CPZ: variants seen among roughly 807,000 people sequenced by gnomAD.
CPZ encodes the protein carboxypeptidase Z, also known as VEZT/CPZ fusion.
Under a neutral mutation model 61.8 loss-of-function variants are expected in CPZ, and 103 were observed. That is an observed-to-expected ratio of 1.67 (90% CI 1.42 to 1.96). The LOEUF (loss-of-function observed/expected upper bound fraction) is 1.96. Among genes scored for constraint, CPZ ranks in the 30% most tolerant of loss-of-function variants. The probability of loss-of-function intolerance (pLI) is 0.00; values close to 1 mark genes in which losing one functional copy is unlikely to be tolerated. For missense variants in CPZ, 1,461 were observed against 914.9 expected, an observed-to-expected ratio of 1.60 and a Z score of -7.70; for synonymous variants, 551 against 373.7, an observed-to-expected ratio of 1.47 and a Z score of -5.47.
chr4:8,603,877 C>T lies in CPZ; in HGVS notation c.497-99C>T. On this transcript the variant is annotated intron_variant, in intron 3 of 10. Coordinates refer to ENST00000360986, the MANE Select transcript of CPZ (RefSeq NM_001014447.3). ...GAGATGTCCAAGCATGGCTGTCGTG[C>T]AGAGGGGACTAAGGGTGCTGTGTGT... 4 of 998,416 alleles carry T rather than the reference C, an allele frequency of 4.0e-6. No homozygotes were observed. In the South Asian group the frequency reaches 5.4e-5, roughly 13 times the overall value. 61.8% of individuals were successfully genotyped at this position (998,416 alleles called of 1,614,324 possible). A position where few individuals can be genotyped will look rare whatever the true frequency, so the allele number is the denominator to read the frequency against.
At chr4:8,615,884 C>A (rs1716120929) in intron 9 of CPZ, among the ~76,000 whole-genome samples, 1 of 152,246 alleles carries the variant, frequency 6.6e-6, no homozygotes, top group African/African-American at 2.4e-5. Flanking sequence ...AAGCCCCACA[C>A]AAAGTAAAAT....
chr4:8,596,926 C>T lies in CPZ; in HGVS notation c.89-2527C>T, dbSNP rs377427951. On this transcript the variant is annotated intron_variant, in intron 1 of 10. Transcript: ENST00000360986. ...GTCAAAGTTAGTTCTTCCAGTCGCT[C>T]ATGTCTGCTGAGTGAATAAACAAAG... Among the ~76,000 whole-genome samples the T allele has an allele frequency of 1.1e-4, 16 of 152,308 alleles. No individual in the cohort carries two copies. The East Asian group carries it at 1.4e-3, about 13-fold the overall frequency.
chr4:8,604,050 G>C lies in CPZ; in HGVS notation c.571G>C (p.Ala191Pro). The change falls in exon 4 of 11, where the codon GCC (alanine) becomes CCC (proline). Residue 191 changes from alanine (A) to proline (P), a missense_variant. By Grantham distance (27) the Ala-to-Pro change is conservative (BLOSUM62 -1). Transcript: ENST00000360986. ...CATCCGCTTCAGCCACCACTCCTAC[G>C]CCCAGATGGTGCGTGTGCTGAGGCG... ...TFIRFSHHSY[A>P]QMVRVLRRTA... The C allele has an allele frequency of 1.2e-6, 2 of 1,612,016 alleles. No homozygotes were observed. Among genetic ancestry groups the C allele is most frequent in the Non-Finnish European group, 1.7e-6 (2 of 1,179,818 alleles).
chr4:8,599,502 TC>T lies in CPZ; in HGVS notation c.121+20del, dbSNP rs768079752. Reference sequence around the variant, plus strand: ...CAGACAGCGGTACAGTACCGGGACCTCCCTGGCTTCTGTTCTGTAGGAGGGC... The same window carrying T: ...CAGACAGCGGTACAGTACCGGGACCTCCTGGCTTCTGTTCTGTAGGAGGGC... On this transcript the variant is annotated intron_variant, in intron 2 of 10. Coordinates refer to ENST00000360986, the MANE Select transcript of CPZ (RefSeq NM_001014447.3). The T allele has an allele frequency of 1.2e-6, 2 of 1,613,400 alleles. No individual in the cohort carries two copies. Among genetic ancestry groups the T allele is most frequent in the African/African-American group, 2.7e-5 (2 of 74,912 alleles).
At chr4:8,593,394 CT>C (rs1183602909) in intron 1 of CPZ, among the ~76,000 whole-genome samples, 13 of 152,174 alleles carry the variant, frequency 8.5e-5, no homozygotes, top group Non-Finnish European at 1.5e-5. Context: ...GGAAGTGGCC[CT>C]AAGGGCTGGG....
intron 7 of CPZ, among the ~76,000 whole-genome samples, chr4:8,610,433 G>A (rs1011132016): frequency 1.3e-5 from 2 of 152,150 alleles, no homozygotes; most frequent in Non-Finnish European, 2.9e-5. Context: ...CCCAGGGCAA[G>A]GGCAGGGAGG....
At chr4:8,609,040 TTCACTCCCTCCCTCCC>T (rs1715300598) in intron 7 of CPZ, among the ~76,000 whole-genome samples, 3 of 132,962 alleles carry the variant, frequency 2.3e-5, no homozygotes, top group Non-Finnish European at 4.9e-5. Context: ...CACTCACCCA[TTCACTCCCTCCCTCCC>T]TCACTCCCTC....
intron 5 of CPZ, 71 bp downstream of exon 5, chr4:8,606,256 AGTT>A: frequency 7.0e-7 from 1 of 1,428,808 alleles, no homozygotes; most frequent in South Asian, 1.3e-5. Flanking sequence ...ATTTATGAGT[AGTT>A]TATCCCAGCA....
rs1259837506 is a variant in CPZ at position 8,605,628 on chromosome 4, TTG to T, written c.710-360_710-359del. Among the ~76,000 whole-genome samples the T allele has an allele frequency of 1.0e-4, 12 of 119,310 alleles. No homozygotes were observed. In the South Asian group the frequency reaches 1.3e-3, roughly 12 times the overall value. The allele number at this position is 119,310 out of a possible 152,430, so 78.3% of individuals were successfully genotyped here. A position where few individuals can be genotyped will look rare whatever the true frequency, so the allele number is the denominator to read the frequency against. On this transcript the variant is annotated intron_variant, in intron 4 of 10. Transcript: ENST00000360986. ...CATCCATCCATCCATCCATCCATCA[TTG>T]ATATATCCATTCATCCACTCAAGGG...
chr4:8,612,069 A>C lies in CPZ; in HGVS notation c.1270A>C (p.Met424Leu). The change falls in exon 8 of 11, where the codon ATG (methionine) becomes CTG (leucine). Residue 424 changes from methionine to leucine, a missense_variant. Physicochemically the swap from Met to Leu is conservative, Grantham distance 15. Coordinates refer to ENST00000360986, the MANE Select transcript of CPZ (RefSeq NM_001014447.3). ...CAGAGCCTACGCTGACGTCCACCCC[A>C]TGATGATGGACAGGTCGGAGAATAG... ...LSRAYADVHP[M>L]MMDRSENRCG... 1 of 1,613,070 alleles carries C rather than the reference A, an allele frequency of 6.2e-7. No individual in the cohort carries two copies. Among genetic ancestry groups the C allele is most frequent in the Non-Finnish European group, 8.5e-7 (1 of 1,179,434 alleles).
chr4:8,610,612 C>G (rs1577122258), intron 7 of CPZ, among the ~76,000 whole-genome samples: 1 of 152,222 alleles, frequency 6.6e-6, no homozygotes, highest in South Asian at 2.1e-4. Context: ...TAGAATGTAG[C>G]AGATGTGGCC....
At chr4:8,618,248 C>T in intron 9 of CPZ, 181 bp from the exon 10 acceptor site, 1 of 607,922 alleles carries the variant, frequency 1.6e-6, no homozygotes, top group Non-Finnish European at 2.9e-6. Context: ...AAACTGAGGC[C>T]CAGAGAGGGG....
Position 8,610,905 on chromosome 4 carries a change from C to T in CPZ, c.1228-1122C>T, listed in dbSNP as rs140726120. On this transcript the variant is annotated intron_variant, in intron 7 of 10. Transcript: ENST00000360986. ...CATTCCTCACCAACCCCAAACCTCACGTCTGGGAGTCCGAGTCTCATGACC... is the reference window on the plus strand; with the variant it reads ...CATTCCTCACCAACCCCAAACCTCATGTCTGGGAGTCCGAGTCTCATGACC... Among the ~76,000 whole-genome samples the T allele has an allele frequency of 7.7e-4, 117 of 152,348 alleles. No individual in the cohort carries two copies. In the East Asian group the frequency reaches 0.014, roughly 18 times the overall value.
At chr4:8,613,013 G>A (rs557947638) in intron 8 of CPZ, among the ~76,000 whole-genome samples, 27 of 152,204 alleles carry the variant, frequency 1.8e-4, no homozygotes, top group Non-Finnish European at 3.1e-4. Flanking sequence ...TCCCTGGTGC[G>A]GCGCAGCCTC....
chr4:8,619,208 C>A, intron 10 of CPZ, 54 bp from the exon 11 acceptor site: 1 of 1,460,898 alleles, frequency 6.8e-7, no homozygotes, highest in South Asian at 1.3e-5. Context: ...CCCATCACCC[C>A]GTGGCTGGGT....
intron 7 of CPZ, among the ~76,000 whole-genome samples, chr4:8,609,218 AC>A (rs1184005094): frequency 1.6e-4 from 7 of 44,038 alleles, no homozygotes; most frequent in African/African-American, 3.8e-4. Context: ...TTACTCATTC[AC>A]TTACTCACTC....
intron 7 of CPZ, among the ~76,000 whole-genome samples, chr4:8,610,369 G>A (rs1036918438): frequency 3.3e-5 from 5 of 152,174 alleles, no homozygotes; most frequent in Non-Finnish European, 5.9e-5. Flanking sequence ...CTGGTGGTCG[G>A]CAGCCACCTT....
In CPZ at chr4:8,606,846, G is replaced by C. The variant is rs368933993; in HGVS notation, c.1016G>C (p.Arg339Pro). The change falls in exon 6 of 11, where the codon CGC becomes CCC. Residue 339 changes from arginine to proline, a missense_variant. By Grantham distance (103) the Arg-to-Pro change is moderately radical (BLOSUM62 -2). Coordinates refer to ENST00000360986, the MANE Select transcript of CPZ (RefSeq NM_001014447.3). ...TSEYYRLAET[R>P]GARSDHIPIP... is the part of the protein sequence containing the mutation. ...GAGTACTACCGGCTGGCGGAGACCCGCGGCGCACGCAGCGACCACATCCCC... is the reference window on the plus strand; with the variant it reads ...GAGTACTACCGGCTGGCGGAGACCCCCGGCGCACGCAGCGACCACATCCCC... 7 of 1,613,406 alleles carry C rather than the reference G, an allele frequency of 4.3e-6. No homozygotes were observed. In the African/African-American group the frequency reaches 8.0e-5, roughly 18 times the overall value.
intron 9 of CPZ, among the ~76,000 whole-genome samples, chr4:8,617,750 T>C (rs369625738): frequency 2.6e-5 from 4 of 152,260 alleles, no homozygotes; most frequent in Admixed American, 2.6e-4. Context: ...TCAGCATCCT[T>C]GGACCCCACG....
Sources: gnomAD v4.1 joint callset for allele counts (sites outside exome capture counted in the v4.1 genomes callset) on GRCh38, gnomAD v4.1.1 for gene constraint, MANE v1.5 for transcripts, NCBI Gene and HGNC (gene_info 2026-07-23, HGNC 2026-07-21) for gene names.